EIF2B3: variants seen among roughly 807,000 people sequenced by gnomAD.
EIF2B3 encodes the protein eukaryotic translation initiation factor 2B subunit gamma.
In EIF2B3, 20 loss-of-function variants were observed where a neutral mutation model predicts 54.1. That is an observed-to-expected ratio of 0.37 (90% CI 0.26 to 0.54). The LOEUF (loss-of-function observed/expected upper bound fraction) is 0.54, where lower values mean the gene tolerates loss of function less well. Among genes scored for constraint, EIF2B3 ranks in the 20% least tolerant of loss-of-function variants. The pLI is 0.86. For synonymous variants in EIF2B3, 153 were observed against 188.1 expected (o/e 0.81, Z 1.52); for missense variants, 448 against 547.8 (o/e 0.82, Z 1.82).
In EIF2B3 at chr1:44,851,005, T is replaced by C; in HGVS notation, c.1307-2A>G. 1.2e-6 allele frequency: 2 copies of C among 1,613,712 alleles called. No homozygotes were observed. The highest frequency in any genetic ancestry group is 1.7e-6 in the Non-Finnish European group (2 of 1,179,972). On this transcript the variant is annotated splice_acceptor_variant, in intron 11 of 11. Coordinates refer to ENST00000360403, the MANE Select transcript of EIF2B3 (RefSeq NM_020365.5). LOFTEE classifies it high-confidence loss of function. ...CGATCACCTCATTCACTCGTTTAGC[T>C]ACAAAAGAAAAGGAAAAAAGTTTTC...
chr1:44,908,071 G>A (rs1352428023), intron 5 of EIF2B3, among the ~76,000 whole-genome samples: 1 of 152,112 alleles, frequency 6.6e-6, no homozygotes, highest in Non-Finnish European at 1.5e-5. Flanking sequence ...AAATAATGCT[G>A]TTCCAGCCCT....
At chr1:44,879,060 CTCTTT>C (rs575993031) in intron 8 of EIF2B3, among the ~76,000 whole-genome samples, 1 of 152,196 alleles carries the variant, frequency 6.6e-6, no homozygotes, top group South Asian at 2.1e-4. Flanking sequence ...CGTGCCCGGA[CTCTTT>C]TCTTATTCTC....
chr1:44,930,439 T>C (rs1409714169), intron 4 of EIF2B3, among the ~76,000 whole-genome samples: 1 of 152,242 alleles, frequency 6.6e-6, no homozygotes, highest in Non-Finnish European at 1.5e-5. Context: ...GCTCCATAAC[T>C]AGCTTTGAAC....
At chr1:44,900,652 A>T (rs866799749) in intron 5 of EIF2B3, among the ~76,000 whole-genome samples, 4 of 152,036 alleles carry the variant, frequency 2.6e-5, no homozygotes, top group Admixed American at 6.6e-5. Context: ...ATAATAATTT[A>T]AAAAAAACCA....
chr1:44,911,111 C>A (rs533634963), intron 5 of EIF2B3, among the ~76,000 whole-genome samples: 2 of 152,260 alleles, frequency 1.3e-5, no homozygotes, highest in South Asian at 4.1e-4. Context: ...AAGATAAAAA[C>A]AGAAGGAAGT....
intron 10 of EIF2B3, among the ~76,000 whole-genome samples, chr1:44,873,402 C>T (rs1655023545): frequency 6.6e-6 from 1 of 152,076 alleles, no homozygotes; most frequent in South Asian, 2.1e-4. Context: ...TATCAATTGG[C>T]TTTCTACAGT....
At chr1:44,875,728 G>T (rs889830069) in intron 8 of EIF2B3, 33 bp from the exon 9 acceptor site, 3 of 1,573,204 alleles carry the variant, frequency 1.9e-6, no homozygotes, top group Non-Finnish European at 2.6e-6. Context: ...CTAAAGATCA[G>T]AAAACACCTT....
chr1:44,913,398 C>T (rs560732368), intron 5 of EIF2B3, among the ~76,000 whole-genome samples: 10 of 151,824 alleles, frequency 6.6e-5, no homozygotes, highest in Non-Finnish European at 1.3e-4. Context: ...GCTGTGCTCA[C>T]AAGGCTCTGT....
rs1654481932 is a variant in EIF2B3, at chr1:44,857,717, C to G, written c.1293G>C (p.Arg431Ser). The G allele has an allele frequency of 6.2e-7, 1 of 1,614,048 alleles. No homozygotes were observed. The highest frequency in any genetic ancestry group is 8.5e-7 in the Non-Finnish European group (1 of 1,180,018). ...AATCTGGTTTACCTTTGGCTTCAAT[C>G]CTCTGGCCACTTCCAATCAAGCAGT... ...IKDCLIGSGQ[R>S]IEAKAKRVNE... The change falls in exon 11 of 12, where the codon AGG (arginine) becomes AGC (serine). Residue 431 changes from arginine (R) to serine (S), a missense_variant. Physicochemically the swap from Arg to Ser is moderately radical, Grantham distance 110. Transcript: ENST00000360403.
At chr1:44,859,156 C>T (rs1475618569) in intron 10 of EIF2B3, among the ~76,000 whole-genome samples, 3 of 148,098 alleles carry the variant, frequency 2.0e-5, no homozygotes, top group Non-Finnish European at 2.9e-5. Context: ...AAAAAGCTAG[C>T]TGTGCATGGT....
rs11803215 is a variant in EIF2B3 at position 44,855,394 on chromosome 1, C to T, written c.1306+2310G>A. Among the ~76,000 whole-genome samples, 984 of 152,222 alleles carry T rather than the reference C, an allele frequency of 6.5e-3. 13 individuals are homozygous for T. Among genetic ancestry groups the T allele is most frequent in the African/African-American group, 0.023 (938 of 41,532 alleles). ...GATGATTGCAACCATCGCACAGAGG[C>T]CTTTCTTGGAACCCTAACTTTATAC... On this transcript the variant is annotated intron_variant, in intron 11 of 11. Coordinates refer to ENST00000360403, the MANE Select transcript of EIF2B3 (RefSeq NM_020365.5).
intron 4 of EIF2B3, among the ~76,000 whole-genome samples, chr1:44,932,726 A>G (rs1013040418): frequency 6.6e-6 from 1 of 150,560 alleles, no homozygotes; most frequent in African/African-American, 2.4e-5. Context: ...AAGAAAAGCT[A>G]GAAGACAGTA....
At chr1:44,951,938 C>A (rs963292645) in intron 3 of EIF2B3, among the ~76,000 whole-genome samples, 3 of 131,360 alleles carry the variant, frequency 2.3e-5, no homozygotes, top group Non-Finnish European at 4.8e-5. Flanking sequence ...CAGGGGCGCA[C>A]CACCATGCCT....
chr1:44,958,638 T>C (rs1196041427), intron 3 of EIF2B3: 5 of 1,570,230 alleles, frequency 3.2e-6, no homozygotes, highest in Admixed American at 1.7e-5. Context: ...GGTCACTGCC[T>C]GCTCTCACAT....
At chr1:44,961,664 C>G (rs1238392539) in intron 3 of EIF2B3, among the ~76,000 whole-genome samples, 2 of 152,136 alleles carry the variant, frequency 1.3e-5, no homozygotes, top group Non-Finnish European at 2.9e-5. Context: ...TGGATTACCA[C>G]TATATTTATA....
intron 1 of EIF2B3, among the ~76,000 whole-genome samples, chr1:44,985,547 C>T (rs1356153718): frequency 6.6e-6 from 1 of 152,164 alleles, no homozygotes; most frequent in Non-Finnish European, 1.5e-5. Context: ...TGCCAGAAAT[C>T]AAAGTGGAAT....
intron 3 of EIF2B3, among the ~76,000 whole-genome samples, chr1:44,946,800 T>A (rs559693222): frequency 1.3e-5 from 2 of 152,242 alleles, no homozygotes; most frequent in East Asian, 3.9e-4. Context: ...AAATGATCAT[T>A]GTTTTTATTT....
intron 5 of EIF2B3, among the ~76,000 whole-genome samples, chr1:44,915,540 T>A (rs72676528): frequency 0.16 from 25,011 of 151,628 alleles, 2,217 homozygotes; most frequent in Admixed American, 0.21. Flanking sequence ...TAAAAAAAAA[T>A]ATTTATAGAG....
chr1:44,959,799 C>T (rs1253184930), intron 3 of EIF2B3, among the ~76,000 whole-genome samples: 1 of 152,230 alleles, frequency 6.6e-6, no homozygotes, highest in East Asian at 1.9e-4. Context: ...ACTGCTGAAT[C>T]TTCATCCCTA....
Sources: gnomAD v4.1 joint callset for allele counts (sites outside exome capture counted in the v4.1 genomes callset) on GRCh38, gnomAD v4.1.1 for gene constraint, MANE v1.5 for transcripts, NCBI Gene and HGNC (gene_info 2026-07-23, HGNC 2026-07-21) for gene names.